SPOCK1: variants seen among roughly 807,000 people sequenced by gnomAD.
The protein encoded by SPOCK1 is testican-1.
Under a neutral mutation model 55.3 loss-of-function variants are expected in SPOCK1, and 23 were observed. The ratio of observed to expected loss-of-function variants is 0.42; its 90% CI spans 0.30 to 0.59. The LOEUF (loss-of-function observed/expected upper bound fraction) is 0.59. Ranked by LOEUF, SPOCK1 falls within the 20% of genes least tolerant of loss-of-function variation. The probability of loss-of-function intolerance (pLI) is 0.22; values close to 1 mark genes in which losing one functional copy is unlikely to be tolerated. For missense variants in SPOCK1, 499 were observed against 552.5 expected (o/e 0.90, Z 0.97); for synonymous variants, 226 against 221.0 (o/e 1.02, Z -0.20).
intron 2 of SPOCK1, among the ~76,000 whole-genome samples, chr5:137,376,334 C>T (rs949644788): frequency 1.3e-5 from 2 of 152,230 alleles, no homozygotes; most frequent in East Asian, 3.9e-4. Context: ...CCCTCTTGTG[C>T]TACCCTGCCT....
At chr5:137,036,447 C>T (rs1462273289) in intron 6 of SPOCK1, among the ~76,000 whole-genome samples, 1 of 152,216 alleles carries the variant, frequency 6.6e-6, no homozygotes, top group East Asian at 1.9e-4. Context: ...TCTCTACTTT[C>T]CTTCCTTCTT....
chr5:137,074,269 A>C (rs1752682307), intron 5 of SPOCK1, among the ~76,000 whole-genome samples: 1 of 152,244 alleles, frequency 6.6e-6, no homozygotes, highest in Non-Finnish European at 1.5e-5. Context: ...ATTATTATAC[A>C]AACATTTGGG....
chr5:136,979,621 T>C (rs1750688595), intron 9 of SPOCK1, 152 bp from the exon 10 acceptor site: 1 of 958,620 alleles, frequency 1.0e-6, no homozygotes. Context: ...TAGTCAAAAT[T>C]ACAGGGCCCT....
rs377697663 is a variant in SPOCK1, at chr5:137,498,382, G to A, written c.177C>T (p.Arg59=). 180 of 1,599,654 alleles carry A rather than the reference G, an allele frequency of 1.1e-4. No homozygotes were observed. The African/African-American group carries it at 1.9e-3, about 17-fold the overall frequency. The part of the protein sequence containing the change: ...SQYDRDKYWN[R]FRDDDYFRNW... ...TGGCGCCGGTACTCACGTCTCGAAA[G>A]CGGTTCCAGTACTTGTCCCGGTCGT... is the stretch of plus-strand genomic sequence containing the variant. Residue 59 remains arginine (R), a synonymous_variant, in exon 2 of 11, where the codon CGC becomes CGT. Coordinates refer to ENST00000394945, the MANE Select transcript of SPOCK1 (RefSeq NM_004598.4).
At chr5:137,239,743 A>T (rs1756248468) in intron 3 of SPOCK1, among the ~76,000 whole-genome samples, 1 of 152,216 alleles carries the variant, frequency 6.6e-6, no homozygotes, top group African/African-American at 2.4e-5. Flanking sequence ...CCTTTAACAG[A>T]CAAGAAAAAT....
intron 2 of SPOCK1, among the ~76,000 whole-genome samples, chr5:137,272,602 G>A (rs1289153633): frequency 6.6e-6 from 1 of 152,132 alleles, no homozygotes; most frequent in African/African-American, 2.4e-5. Flanking sequence ...TGAATGAAGT[G>A]ACCCAGCTTG....
intron 2 of SPOCK1, among the ~76,000 whole-genome samples, chr5:137,359,290 G>A (rs767957305): frequency 1.3e-5 from 2 of 152,098 alleles, no homozygotes; most frequent in African/African-American, 2.4e-5. Flanking sequence ...CTGGCTGTTC[G>A]TCACTAGGAA....
At chr5:137,035,257 G>A (rs994095029) in intron 6 of SPOCK1, among the ~76,000 whole-genome samples, 13 of 152,332 alleles carry the variant, frequency 8.5e-5, no homozygotes, top group Middle Eastern at 3.4e-3. Flanking sequence ...TATCAGGACC[G>A]GAGTGGTGGC....
intron 3 of SPOCK1, among the ~76,000 whole-genome samples, chr5:137,226,396 C>T (rs1755948057): frequency 6.6e-6 from 1 of 152,192 alleles, no homozygotes; most frequent in South Asian, 2.1e-4. Flanking sequence ...AGGGGTGAAG[C>T]ATCATGCTGC....
intron 2 of SPOCK1, among the ~76,000 whole-genome samples, chr5:137,334,682 G>A (rs1359133988): frequency 6.6e-6 from 1 of 152,200 alleles, no homozygotes; most frequent in African/African-American, 2.4e-5. Flanking sequence ...GAGGTCCCCT[G>A]TTGAGGTCAG....
chr5:137,136,215 C>T (rs559804368), intron 4 of SPOCK1, among the ~76,000 whole-genome samples: 68 of 152,222 alleles, frequency 4.5e-4, no homozygotes, highest in African/African-American at 1.6e-3. Context: ...TCTTCCAAGA[C>T]TTCTAAAAAA....
chr5:137,432,654 C>G (rs780407895), intron 2 of SPOCK1, among the ~76,000 whole-genome samples: 1 of 152,152 alleles, frequency 6.6e-6, no homozygotes, highest in South Asian at 2.1e-4. Flanking sequence ...GAAAAAAATT[C>G]TGGAGCTAGA....
Position 136,988,652 on chromosome 5 carries a change from C to A in SPOCK1, c.707-9G>T. 2 of 1,607,980 alleles carry A rather than the reference C, an allele frequency of 1.2e-6. No homozygotes were observed. The highest frequency in any genetic ancestry group is 1.1e-5 in the South Asian group (1 of 90,530). ...GATGCTAGTGTCAAACCCTGCCAAA[C>A]AAAAGGCATATCTCAGCTGCCACCA... On this transcript the variant is annotated splice_polypyrimidine_tract_variant and intron_variant, in intron 7 of 10. Coordinates refer to ENST00000394945, the MANE Select transcript of SPOCK1 (RefSeq NM_004598.4).
chr5:137,260,904 G>A (rs1287204994), intron 3 of SPOCK1, among the ~76,000 whole-genome samples: 1 of 152,196 alleles, frequency 6.6e-6, no homozygotes, highest in Non-Finnish European at 1.5e-5. Context: ...CGTGTCTGGG[G>A]CAGAGAGCAG....
Position 137,173,492 on chromosome 5 carries a change from T to C in SPOCK1, c.233-32798A>G, listed in dbSNP as rs573802307. On this transcript the variant is annotated intron_variant, in intron 3 of 10. Coordinates refer to ENST00000394945, the MANE Select transcript of SPOCK1 (RefSeq NM_004598.4). ...GATTGAAGCTGTGATCCAATTGCTATTCCATTTCATCACCAGCAGCCTGAA... is the reference window on the plus strand; with the variant it reads ...GATTGAAGCTGTGATCCAATTGCTACTCCATTTCATCACCAGCAGCCTGAA... Among the ~76,000 whole-genome samples, 73 of 152,308 alleles carry C rather than the reference T, an allele frequency of 4.8e-4. No individual in the cohort carries two copies. In the South Asian group the frequency reaches 8.9e-3, roughly 19 times the overall value.
At chr5:137,358,936 A>G (rs1162057828) in intron 2 of SPOCK1, among the ~76,000 whole-genome samples, 1 of 152,210 alleles carries the variant, frequency 6.6e-6, no homozygotes, top group Non-Finnish European at 1.5e-5. Flanking sequence ...TACTGAAAGT[A>G]TGAACTCATC....
chr5:137,417,965 C>CCACA (rs1291031323), intron 2 of SPOCK1, among the ~76,000 whole-genome samples: 3 of 152,114 alleles, frequency 2.0e-5, no homozygotes, highest in Non-Finnish European at 4.4e-5. Context: ...TCCCGCTACC[C>CCACA]TACAACAGGC....
At chr5:137,098,861 C>A (rs1022719224) in intron 5 of SPOCK1, among the ~76,000 whole-genome samples, 1 of 152,194 alleles carries the variant, frequency 6.6e-6, no homozygotes, top group African/African-American at 2.4e-5. Context: ...ACAGGCTCCA[C>A]GGGCCACCTC....
chr5:137,314,899 G>A (rs1225366170), intron 2 of SPOCK1, among the ~76,000 whole-genome samples: 1 of 152,188 alleles, frequency 6.6e-6, no homozygotes, highest in East Asian at 1.9e-4. Context: ...TGAGATAGTA[G>A]TGTTTAAAAC....
Sources: gnomAD v4.1 joint callset for allele counts (sites outside exome capture counted in the v4.1 genomes callset) on GRCh38, gnomAD v4.1.1 for gene constraint, MANE v1.5 for transcripts, NCBI Gene and HGNC (gene_info 2026-07-23, HGNC 2026-07-21) for gene names.